The following CADPS variants were observed in gnomAD, a reference collection of about 807,000 sequenced individuals.
The protein encoded by CADPS is calcium-dependent secretion activator 1.
A neutral mutation model predicts 167.3 loss-of-function variants in CADPS; 57 were observed. The observed-to-expected ratio is 0.34, with a 90% CI of 0.28 to 0.42. CADPS has a LOEUF of 0.42. Among genes scored for constraint, CADPS ranks in the 20% least tolerant of loss-of-function variants. The probability of loss-of-function intolerance (pLI) is 1.00; values close to 1 mark genes in which losing one functional copy is unlikely to be tolerated. For missense variants in CADPS, 1,414 were observed against 1,738.1 expected (o/e 0.81, Z 3.32); for synonymous variants, 676 against 635.3 (o/e 1.06, Z -0.96).
intron 21 of CADPS, among the ~76,000 whole-genome samples, chr3:62,487,568 T>C (rs935743772): frequency 2.0e-5 from 3 of 152,216 alleles, no homozygotes; most frequent in African/African-American, 4.8e-5. Context: ...TGTCCACCAA[T>C]TCATAGAGAT....
At chr3:62,530,558 C>T in intron 13 of CADPS, 1 of 812,878 alleles carries the variant, frequency 1.2e-6, no homozygotes, top group Non-Finnish European at 1.6e-6. Context: ...TAGGAATACT[C>T]AAAGCTTGCA....
chr3:62,447,482 A>C (rs1560501383), intron 26 of CADPS, among the ~76,000 whole-genome samples: 1 of 152,142 alleles, frequency 6.6e-6, no homozygotes, highest in Non-Finnish European at 1.5e-5. Flanking sequence ...ATATAATGTC[A>C]TGAGAGCAAA....
chr3:62,857,453 T>C (rs933352958), intron 1 of CADPS, among the ~76,000 whole-genome samples: 3 of 151,976 alleles, frequency 2.0e-5, no homozygotes, highest in African/African-American at 7.2e-5. Flanking sequence ...GCAGAATGTA[T>C]AGAGTAGTAA....
At chr3:62,486,865 A>G (rs890212813) in intron 21 of CADPS, among the ~76,000 whole-genome samples, 1 of 152,306 alleles carries the variant, frequency 6.6e-6, no homozygotes, top group East Asian at 1.9e-4. Context: ...TCATATTTAT[A>G]CATGCTTTTA....
chr3:62,515,936 G>A, intron 16 of CADPS, 123 bp downstream of exon 16: 2 of 1,169,236 alleles, frequency 1.7e-6, no homozygotes, highest in Non-Finnish European at 2.4e-6. Flanking sequence ...GGTGCTTCCA[G>A]GTTTCAGCTT....
chr3:62,611,308 A>C (rs1301075695), intron 6 of CADPS, among the ~76,000 whole-genome samples: 1 of 152,156 alleles, frequency 6.6e-6, no homozygotes, highest in Non-Finnish European at 1.5e-5. Flanking sequence ...ATGCCTCAGC[A>C]AACCTGTTGG....
chr3:62,712,500 A>G (rs1400369754), intron 3 of CADPS, among the ~76,000 whole-genome samples: 1 of 152,182 alleles, frequency 6.6e-6, no homozygotes, highest in African/African-American at 2.4e-5. Flanking sequence ...TTCAATGTTT[A>G]TGCCCTTTGC....
rs536419187 is a variant in CADPS at position 62,616,426 on chromosome 3, CA to C, written c.1326-23679del. Among the ~76,000 whole-genome samples the C allele has an allele frequency of 5.7e-3, 860 of 150,992 alleles. 6 individuals are homozygous for C. Among genetic ancestry groups the C allele is most frequent in the Admixed American group, 9.2e-3 (139 of 15,116 alleles). ...GTTCCTGGGAAGTGAGAGAAAATGC[CA>C]AAAAAAATCAGATACATGACACAAT... On this transcript the variant is annotated intron_variant, in intron 6 of 29. Transcript: ENST00000383710.
intron 3 of CADPS, among the ~76,000 whole-genome samples, chr3:62,696,152 C>G (rs540402109): frequency 6.6e-6 from 1 of 152,134 alleles, no homozygotes; most frequent in African/African-American, 2.4e-5. Flanking sequence ...GCTACAAACC[C>G]TGTATTTGGC....
At chr3:62,547,666 G>C (rs1387367459) in intron 11 of CADPS, among the ~76,000 whole-genome samples, 1 of 133,528 alleles carries the variant, frequency 7.5e-6, no homozygotes, top group Non-Finnish European at 1.5e-5. Flanking sequence ...ATTTCAACTA[G>C]AGTAGTGATA....
chr3:62,757,554 G>T (rs1217570408), intron 2 of CADPS, among the ~76,000 whole-genome samples: 2 of 152,166 alleles, frequency 1.3e-5, no homozygotes, highest in African/African-American at 4.8e-5. Flanking sequence ...GGGCGAGAAG[G>T]TCAACGGGAA....
chr3:62,635,663 T>C (rs2367313), intron 6 of CADPS, among the ~76,000 whole-genome samples: 29 of 123,050 alleles, frequency 2.4e-4, no homozygotes, highest in East Asian at 9.4e-4. Flanking sequence ...TTTTTTTTTT[T>C]CCCCTCCCCA....
At chr3:62,494,193 T>C (rs1464636192) in intron 18 of CADPS, among the ~76,000 whole-genome samples, 3 of 152,182 alleles carry the variant, frequency 2.0e-5, no homozygotes, top group Admixed American at 2.0e-4. Flanking sequence ...TCTGAACCGA[T>C]GAGGTTTTAT....
intron 10 of CADPS, among the ~76,000 whole-genome samples, chr3:62,554,910 G>A (rs62243514): frequency 0.032 from 4,913 of 152,106 alleles, 104 homozygotes; most frequent in Non-Finnish European, 0.048. Context: ...GTGCCACCAC[G>A]TGCGGCTAAT....
intron 17 of CADPS, among the ~76,000 whole-genome samples, chr3:62,510,321 G>A (rs983053055): frequency 1.3e-5 from 2 of 152,054 alleles, no homozygotes; most frequent in African/African-American, 4.8e-5. Flanking sequence ...CATATTTGGA[G>A]GAAAAAGTTG....
chr3:62,838,308 C>T (rs1455642830), intron 1 of CADPS, among the ~76,000 whole-genome samples: 1 of 152,150 alleles, frequency 6.6e-6, no homozygotes, highest in African/African-American at 2.4e-5. Flanking sequence ...TATGGAGAGA[C>T]AACACTTGAT....
chr3:62,555,434 T>C (rs1297681119), intron 10 of CADPS, among the ~76,000 whole-genome samples: 1 of 152,250 alleles, frequency 6.6e-6, no homozygotes, highest in African/African-American at 2.4e-5. Flanking sequence ...TAGCTGTTCA[T>C]GCAGCTATGC....
At chr3:62,778,148 A>G (rs1370797839) in intron 1 of CADPS, among the ~76,000 whole-genome samples, 1 of 152,248 alleles carries the variant, frequency 6.6e-6, no homozygotes, top group Non-Finnish European at 1.5e-5. Flanking sequence ...AACTTTCCTC[A>G]GGTTGAGTGA....
At chr3:62,586,517 A>G (rs1347088030) in intron 7 of CADPS, among the ~76,000 whole-genome samples, 2 of 152,166 alleles carry the variant, frequency 1.3e-5, no homozygotes, top group African/African-American at 4.8e-5. Flanking sequence ...CAGAAAAAAA[A>G]ATCAGCCCAC....
Sources: allele counts gnomAD v4.1 joint callset (sites outside exome capture counted in the v4.1 genomes callset), GRCh38; gene constraint gnomAD v4.1.1; transcripts MANE v1.5; gene names NCBI Gene and HGNC (gene_info 2026-07-23, HGNC 2026-07-21).